ERI1: variants seen among roughly 807,000 people sequenced by gnomAD.
The protein encoded by ERI1 is exoribonuclease 1, also known as 3'-5' exoribonuclease 1.
ERI1 carries 39 observed loss-of-function variants against 39.7 expected under a neutral mutation model. The ratio of observed to expected loss-of-function variants is 0.98; its 90% CI spans 0.76 to 1.28. The LOEUF (loss-of-function observed/expected upper bound fraction) is 1.28, where lower values mean the gene tolerates loss of function less well. ERI1 is among the 50% of genes most tolerant of loss of function. ERI1 has a pLI of 0.00. For missense variants in ERI1, 581 were observed against 416.9 expected (o/e 1.39, Z -3.43); for synonymous variants, 204 against 149.6 (o/e 1.36, Z -2.65).
At chr8:9,051,605 C>T (rs879700471) in intron 3 of ERI1, among the ~76,000 whole-genome samples, 15 of 151,070 alleles carry the variant, frequency 9.9e-5, no homozygotes, top group Non-Finnish European at 2.1e-4. Flanking sequence ...TGCAGTGAGC[C>T]GAGACTGTAC....
At chr8:9,018,530 G>A (rs1337807258) in intron 5 of ERI1, 124 bp downstream of exon 5, 4 of 574,348 alleles carry the variant, frequency 7.0e-6, no homozygotes, top group East Asian at 5.8e-5. Flanking sequence ...ACCCCACAGG[G>A]AATAGTATTT....
At chr8:9,079,458 T>C (rs139396997) in intron 3 of ERI1, among the ~76,000 whole-genome samples, 3 of 152,314 alleles carry the variant, frequency 2.0e-5, no homozygotes, top group African/African-American at 4.8e-5. Flanking sequence ...TTTTAAATAA[T>C]GCAAAAATGT....
rs1797547839 is a variant in ERI1, at chr8:9,030,979, A to C, written c.*945A>C. 6.6e-6 allele frequency: 1 copy of C among 152,194 alleles called. No homozygotes were observed. Among genetic ancestry groups the C allele is most frequent in the Non-Finnish European group, 1.5e-5 (1 of 68,020 alleles). The allele number at this position is 152,194 out of a possible 1,614,324, so 9.4% of individuals were successfully genotyped here. Reference sequence around the variant, plus strand: ...AGTCAATAAAAGACTTGTTTTTCTGATTTTACATAGTAAATGGCTGCTAAG... The same window carrying C: ...AGTCAATAAAAGACTTGTTTTTCTGCTTTTACATAGTAAATGGCTGCTAAG... On this transcript the variant is annotated 3_prime_UTR_variant, in exon 7 of 7. Transcript: ENST00000250263.
intron 3 of ERI1, among the ~76,000 whole-genome samples, chr8:9,039,608 C>T (rs1797954854): frequency 6.6e-6 from 1 of 152,142 alleles, no homozygotes; most frequent in Non-Finnish European, 1.5e-5. Flanking sequence ...TGATGAAAGG[C>T]AAGATATTCT....
chr8:9,081,175 C>T (rs1423291432), intron 3 of ERI1, among the ~76,000 whole-genome samples: 4 of 152,196 alleles, frequency 2.6e-5, no homozygotes, highest in Admixed American at 2.6e-4. Context: ...TGAGAACAGC[C>T]TGAAGGAAAC....
chr8:9,051,115 A>G (rs1798341405), intron 3 of ERI1, among the ~76,000 whole-genome samples: 1 of 151,852 alleles, frequency 6.6e-6, no homozygotes, highest in Admixed American at 6.6e-5. Context: ...TATTAATTAT[A>G]TTACTTTCCC....
At chr8:9,016,174 G>A (rs926980149) in intron 3 of ERI1, 148 bp from the exon 4 acceptor site, 4 of 420,642 alleles carry the variant, frequency 9.5e-6, no homozygotes, top group East Asian at 3.5e-5. Context: ...GAGTGCTTTC[G>A]ATGTGGGGAA....
At chr8:9,057,799 G>T (rs1044349863) in intron 3 of ERI1, among the ~76,000 whole-genome samples, 1 of 152,340 alleles carries the variant, frequency 6.6e-6, no homozygotes, top group East Asian at 1.9e-4. Flanking sequence ...GTAAAGTGTG[G>T]TCAGGACAGA....
At chr8:9,018,904 C>G (rs917641527) in intron 5 of ERI1, among the ~76,000 whole-genome samples, 2 of 152,174 alleles carry the variant, frequency 1.3e-5, no homozygotes, top group Non-Finnish European at 2.9e-5. Context: ...GTGTTTTACC[C>G]TGACAACGCC....
At chr8:9,010,958 A>C (rs1212717638) in intron 2 of ERI1, among the ~76,000 whole-genome samples, 10 of 152,172 alleles carry the variant, frequency 6.6e-5, no homozygotes, top group Non-Finnish European at 1.0e-4. Flanking sequence ...TGGACAGTTT[A>C]CTTAGAGTGT....
chr8:9,003,974 A>G (rs967048634), intron 1 of ERI1: 3 of 735,594 alleles, frequency 4.1e-6, no homozygotes, highest in Admixed American at 2.3e-5. Flanking sequence ...AATTTGGCTT[A>G]TTCCCCTCCT....
At chr8:9,026,132 G>C (rs1231178678) in intron 6 of ERI1, among the ~76,000 whole-genome samples, 1 of 152,166 alleles carries the variant, frequency 6.6e-6, no homozygotes. Flanking sequence ...CATCACATGA[G>C]GTGTGTAATC....
intron 6 of ERI1, among the ~76,000 whole-genome samples, chr8:9,022,456 G>A (rs991825987): frequency 1.7e-4 from 26 of 151,980 alleles, no homozygotes; most frequent in African/African-American, 6.0e-4. Context: ...GTTGGAGTGC[G>A]GTAGTGCGAT....
chr8:9,030,313 C>G lies in ERI1; in HGVS notation c.*279C>G, dbSNP rs775385164. 1 of 358,258 alleles carries G rather than the reference C, an allele frequency of 2.8e-6. No homozygotes were observed. Among genetic ancestry groups the G allele is most frequent in the Non-Finnish European group, 5.1e-6 (1 of 195,194 alleles). The allele number at this position is 358,258 out of a possible 1,614,324, so 22.2% of individuals were successfully genotyped here. On this transcript the variant is annotated 3_prime_UTR_variant, in exon 7 of 7. Transcript: ENST00000250263. Reference sequence around the variant, plus strand: ...TAATTTAAGGTGTTCAAGATATATTCTTTTTGGTTTTAAAATGCAAAATCT... The same window carrying G: ...TAATTTAAGGTGTTCAAGATATATTGTTTTTGGTTTTAAAATGCAAAATCT...
intron 3 of ERI1, among the ~76,000 whole-genome samples, chr8:9,060,688 A>T (rs1214907343): frequency 6.6e-6 from 1 of 152,196 alleles, no homozygotes; most frequent in East Asian, 1.9e-4. Context: ...AGAGATTGAT[A>T]GGTGGAAGTT....
Position 9,031,296 on chromosome 8 carries a change from T to G in ERI1, c.*1262T>G, listed in dbSNP as rs898477224. On this transcript the variant is annotated 3_prime_UTR_variant, in exon 7 of 7. Transcript: ENST00000250263. ...AAAGCAGGAAAGTAGACATTTTTCT[T>G]GGCGTGGGAATTCTCTACATAGGGC... 6.6e-6 allele frequency: 1 copy of G among 152,236 alleles called. No homozygotes were observed. Among genetic ancestry groups the G allele is most frequent in the Admixed American group, 6.5e-5 (1 of 15,282 alleles). The allele number at this position is 152,236 out of a possible 1,614,324, so 9.4% of individuals were successfully genotyped here. A position where few individuals can be genotyped will look rare whatever the true frequency, so the allele number is the denominator to read the frequency against.
At chr8:9,011,502 G>C (rs1280425475) in intron 2 of ERI1, 40 bp from the exon 3 acceptor site, 2 of 1,416,868 alleles carry the variant, frequency 1.4e-6, no homozygotes, top group Non-Finnish European at 1.9e-6. Context: ...CTTGACTGTA[G>C]AATTTACCTA....
chr8:9,028,505 T>G (rs1797344267), intron 6 of ERI1, among the ~76,000 whole-genome samples: 1 of 152,228 alleles, frequency 6.6e-6, no homozygotes, highest in Non-Finnish European at 1.5e-5. Flanking sequence ...ATTAGAGCTG[T>G]TAGTCCCATT....
At chr8:9,025,167 T>A (rs890428795) in intron 6 of ERI1, among the ~76,000 whole-genome samples, 2 of 152,206 alleles carry the variant, frequency 1.3e-5, no homozygotes, top group African/African-American at 4.8e-5. Flanking sequence ...CCTAATCATA[T>A]GCTGGTGTTG....
Sources: gnomAD v4.1 joint callset for allele counts (sites outside exome capture counted in the v4.1 genomes callset) on GRCh38, gnomAD v4.1.1 for gene constraint, MANE v1.5 for transcripts, NCBI Gene and HGNC (gene_info 2026-07-23, HGNC 2026-07-21) for gene names.